The following MAD1L1 variants were observed in gnomAD, a reference collection of about 807,000 sequenced individuals.
The protein encoded by MAD1L1 is mitotic arrest deficient 1 like 1.
MAD1L1 carries 95 observed loss-of-function variants against 96.9 expected under a neutral mutation model. The observed-to-expected ratio is 0.98, with a 90% confidence interval of 0.83 to 1.16. The LOEUF (loss-of-function observed/expected upper bound fraction) is 1.16, where lower values mean the gene tolerates loss of function less well. MAD1L1 is among the 50% of genes most tolerant of loss of function. The probability of loss-of-function intolerance (pLI) is 0.00; values close to 1 mark genes in which losing one functional copy is unlikely to be tolerated. For synonymous variants in MAD1L1, 473 were observed against 396.6 expected, an observed-to-expected ratio of 1.19 and a Z score of -2.29; for missense variants, 1,007 against 954.4, an observed-to-expected ratio of 1.06 and a Z score of -0.73.
At chr7:1,981,454 G>T (rs1780902509) in intron 14 of MAD1L1, among the ~76,000 whole-genome samples, 2 of 152,156 alleles carry the variant, frequency 1.3e-5, no homozygotes, top group African/African-American at 2.4e-5. Flanking sequence ...GGGCCCGGGG[G>T]TGCTAAGGAA....
At chr7:1,967,489 G>C (rs1316571543) in intron 15 of MAD1L1, among the ~76,000 whole-genome samples, 1 of 152,188 alleles carries the variant, frequency 6.6e-6, no homozygotes, top group South Asian at 2.1e-4. Context: ...CAAGTAAAAG[G>C]ACAGAAATAT....
chr7:1,818,779 G>A (rs1439669192), intron 18 of MAD1L1, among the ~76,000 whole-genome samples: 2 of 151,356 alleles, frequency 1.3e-5, no homozygotes, highest in African/African-American at 2.4e-5. Flanking sequence ...ACCCACTCAC[G>A]GCTCCTACAG....
At chr7:2,069,746 C>G (rs1037073285) in intron 11 of MAD1L1, among the ~76,000 whole-genome samples, 1 of 152,228 alleles carries the variant, frequency 6.6e-6, no homozygotes, top group Non-Finnish European at 1.5e-5. Context: ...GTTCTAAAAA[C>G]ATTCTGTGAG....
chr7:2,215,235 G>A (rs191502716), intron 9 of MAD1L1, among the ~76,000 whole-genome samples: 126 of 152,094 alleles, frequency 8.3e-4, no homozygotes, highest in African/African-American at 2.8e-3. Context: ...AAAATTAGCC[G>A]GGTGTGGTGG....
intron 10 of MAD1L1, among the ~76,000 whole-genome samples, chr7:2,150,238 C>T (rs923398690): frequency 1.3e-5 from 2 of 152,180 alleles, no homozygotes; most frequent in Non-Finnish European, 2.9e-5. Context: ...GGGTGGATCC[C>T]GGGCACACCC....
intron 15 of MAD1L1, 42 bp from the exon 16 acceptor site, chr7:1,957,761 C>T: frequency 1.9e-6 from 3 of 1,594,858 alleles, no homozygotes; most frequent in Non-Finnish European, 2.6e-6. Context: ...CCGAGGCCAG[C>T]CATGCTGGGG....
intron 13 of MAD1L1, among the ~76,000 whole-genome samples, chr7:2,006,915 T>C (rs1449564587): frequency 6.6e-6 from 1 of 151,898 alleles, no homozygotes; most frequent in Non-Finnish European, 1.5e-5. Context: ...AGACACCAGA[T>C]ACAACACAAG....
intron 17 of MAD1L1, among the ~76,000 whole-genome samples, chr7:1,911,173 C>T (rs4332037): frequency 0.19 from 28,423 of 152,102 alleles, 2,783 homozygotes; most frequent in South Asian, 0.28. Flanking sequence ...GAGTTGCCTT[C>T]GGCCTTCCTG....
chr7:2,216,381 TCTGCAACGGCTATACACA>T, intron 7 of MAD1L1, 94 bp from the exon 8 acceptor site: 1 of 1,310,312 alleles, frequency 7.6e-7, no homozygotes. Flanking sequence ...AGGAAGCCGG[TCTGCAACGGCTATACACA>T]CTGCAGGATC....
intron 18 of MAD1L1, among the ~76,000 whole-genome samples, chr7:1,891,301 G>A (rs749782646): frequency 8.6e-5 from 13 of 152,034 alleles, no homozygotes; most frequent in African/African-American, 2.9e-4. Flanking sequence ...CGAGGAGGGA[G>A]GATCACCAGG....
chr7:2,164,741 G>A (rs1323186144), intron 10 of MAD1L1, among the ~76,000 whole-genome samples: 2 of 152,218 alleles, frequency 1.3e-5, no homozygotes, highest in Non-Finnish European at 2.9e-5. Context: ...TCTGCATCCA[G>A]TGAACAAATT....
intron 18 of MAD1L1, among the ~76,000 whole-genome samples, chr7:1,818,390 ATATTTTTTTT>A (rs1481074224): frequency 6.6e-6 from 1 of 151,914 alleles, no homozygotes; most frequent in African/African-American, 2.4e-5. Flanking sequence ...ATTTCTAAAA[ATATTTTTTTT>A]TAGAGACGAG....
chr7:2,036,446 G>T (rs1384028210), intron 12 of MAD1L1, among the ~76,000 whole-genome samples: 1 of 152,234 alleles, frequency 6.6e-6, no homozygotes, highest in African/African-American at 2.4e-5. Flanking sequence ...GAATCCCTTA[G>T]GGTTGGCTCA....
intron 15 of MAD1L1, among the ~76,000 whole-genome samples, chr7:1,972,769 C>T (rs1407964922): frequency 6.6e-6 from 1 of 152,024 alleles, no homozygotes; most frequent in Non-Finnish European, 1.5e-5. Context: ...ATTAAGAGAC[C>T]ATTCCTCTTT....
chr7:2,065,766 C>A (rs1050767713), intron 12 of MAD1L1, among the ~76,000 whole-genome samples: 2 of 152,210 alleles, frequency 1.3e-5, no homozygotes, highest in Non-Finnish European at 2.9e-5. Context: ...CTGCTCCCCC[C>A]AAGCCTGGGG....
intron 18 of MAD1L1, among the ~76,000 whole-genome samples, chr7:1,852,641 T>A (rs569017203): frequency 1.4e-3 from 212 of 152,192 alleles, no homozygotes; most frequent in Non-Finnish European, 2.1e-3. Flanking sequence ...AAAGAGACTT[T>A]GGAAGGAAAA....
intron 11 of MAD1L1, among the ~76,000 whole-genome samples, chr7:2,147,061 C>T (rs959442543): frequency 6.6e-6 from 1 of 152,202 alleles, no homozygotes; most frequent in Non-Finnish European, 1.5e-5. Flanking sequence ...AAGCCTTGGT[C>T]GGGAAGTGTC....
intron 10 of MAD1L1, among the ~76,000 whole-genome samples, chr7:2,192,033 T>TA (rs879327013): frequency 4.0e-4 from 55 of 137,584 alleles, no homozygotes; most frequent in Admixed American, 8.9e-4. Flanking sequence ...TCTGTCTCGA[T>TA]AAAAAAAAAA....
intron 15 of MAD1L1, among the ~76,000 whole-genome samples, chr7:1,962,546 G>C (rs1217323138): frequency 6.6e-6 from 1 of 152,166 alleles, no homozygotes; most frequent in Non-Finnish European, 1.5e-5. Flanking sequence ...TATTTGGAAA[G>C]CAAATAATCT....
Sources: gnomAD v4.1 joint callset for allele counts (sites outside exome capture counted in the v4.1 genomes callset) on GRCh38, gnomAD v4.1.1 for gene constraint, MANE v1.5 for transcripts, NCBI Gene and HGNC (gene_info 2026-07-23, HGNC 2026-07-21) for gene names.